The following ANKRD45 variants were observed in gnomAD, a reference collection of about 807,000 sequenced individuals.
The protein encoded by ANKRD45 is ankyrin repeat domain-containing protein 45.
A neutral mutation model predicts 28.1 loss-of-function variants in ANKRD45; 21 were observed. The ratio of observed to expected loss-of-function variants is 0.75; its 90% CI spans 0.53 to 1.08. The LOEUF (loss-of-function observed/expected upper bound fraction) is 1.08. Ranked by LOEUF, ANKRD45 falls within the 50% of genes least tolerant of loss-of-function variation. ANKRD45 has a pLI of 0.00. For missense variants in ANKRD45, 261 were observed against 308.7 expected (o/e 0.85, Z 1.16); for synonymous variants, 86 against 103.9 (o/e 0.83, Z 1.05).
intron 3 of ANKRD45, among the ~76,000 whole-genome samples, chr1:173,643,215 C>A (rs1668779647): frequency 6.7e-6 from 1 of 149,252 alleles, no homozygotes; most frequent in South Asian, 2.1e-4. Flanking sequence ...ACTCTGTCAC[C>A]CAGGCTGGAG....
In ANKRD45 at chr1:173,624,883, C is replaced by T. The variant is rs34387166; in HGVS notation, c.634G>A (p.Glu212Lys). The T allele has an allele frequency of 5.9e-3, 9,549 of 1,613,710 alleles. 43 individuals carry two copies. The highest frequency in any genetic ancestry group is 7.4e-3 in the Non-Finnish European group (8,747 of 1,179,766). ...TTAATGGAAGCTTCTGTATGGGTTT[C>T]CAACCACTCATTTTTTGCACGGCAT... ...SACRAKNEWL[E>K]THTEASINEL... The change falls in exon 5 of 6, where the codon GAA (glutamate) becomes AAA (lysine). Residue 212 changes from glutamate (E) to lysine (K), a missense_variant. Physicochemically the swap from Glu to Lys is moderately conservative, Grantham distance 56. Transcript: ENST00000333279.
intron 1 of ANKRD45, among the ~76,000 whole-genome samples, chr1:173,668,664 G>A (rs1670123854): frequency 6.6e-6 from 1 of 152,192 alleles, no homozygotes. Context: ...ATTCTAGATT[G>A]AGCTAAACTT....
chr1:173,642,910 C>T (rs115839999), intron 3 of ANKRD45, among the ~76,000 whole-genome samples: 1,761 of 152,246 alleles, frequency 0.012, 44 homozygotes, highest in African/African-American at 0.041. Flanking sequence ...CTCTTTTCTT[C>T]GTGTGCGCTC....
chr1:173,670,221 C>T (rs1305735720), upstream of ANKRD45, among the ~76,000 whole-genome samples: 2 of 152,134 alleles, frequency 1.3e-5, no homozygotes, highest in Non-Finnish European at 2.9e-5. Flanking sequence ...GTCATTGTCA[C>T]CAGCAAGGAG....
chr1:173,667,681 G>T, intron 1 of ANKRD45: 1 of 421,370 alleles, frequency 2.4e-6, no homozygotes, highest in Non-Finnish European at 4.7e-6. Context: ...ACTCCAGCCT[G>T]GCACAACAGA....
rs376773539 is a variant in ANKRD45, at chr1:173,645,461, T to G, written c.496+1385A>C. 5.9e-5 allele frequency among the ~76,000 whole-genome samples: 9 copies of G among 152,336 alleles called. No individual in the cohort carries two copies. The South Asian group carries it at 1.0e-3, about 18-fold the overall frequency. Reference sequence around the variant, plus strand: ...CAAGTGCTGACCACATGCCAGGTATTGTGGTAACTGCTTTATATCATCTCA... The same window carrying G: ...CAAGTGCTGACCACATGCCAGGTATGGTGGTAACTGCTTTATATCATCTCA... On this transcript the variant is annotated intron_variant, in intron 3 of 5. Coordinates refer to ENST00000333279, the MANE Select transcript of ANKRD45 (RefSeq NM_198493.3).
At chr1:173,695,511 C>T in the ANKRD45 span, among the ~76,000 whole-genome samples, 1,431 of 152,220 alleles carry the variant, frequency 9.4e-3, 20 homozygotes, top group African/African-American at 0.031. Flanking sequence ...ACCGCATCCA[C>T]GTTGCTGCAA....
At chr1:173,648,093 C>G (rs1274424620) in intron 2 of ANKRD45, among the ~76,000 whole-genome samples, 2 of 152,122 alleles carry the variant, frequency 1.3e-5, no homozygotes, top group South Asian at 4.1e-4. Context: ...GCATGCAGCA[C>G]CACGCCCAGC....
At chr1:173,631,028 G>A (rs546801493) in intron 3 of ANKRD45, among the ~76,000 whole-genome samples, 1 of 151,796 alleles carries the variant, frequency 6.6e-6, no homozygotes, top group Non-Finnish European at 1.5e-5. Flanking sequence ...AAGACATAGA[G>A]TGGTTGAAGA....
At chr1:173,711,705 A>T in the ANKRD45 span, among the ~76,000 whole-genome samples, 1 of 152,240 alleles carries the variant, frequency 6.6e-6, no homozygotes, top group Non-Finnish European at 1.5e-5. Context: ...AGGCTCCCGA[A>T]GGGCATAGTC....
upstream of ANKRD45, among the ~76,000 whole-genome samples, chr1:173,671,064 T>C (rs1670237775): frequency 1.3e-5 from 2 of 152,216 alleles, no homozygotes. Context: ...TCCCCAACGT[T>C]GCCTAAGTTT....
chr1:173,698,821 G>C, the ANKRD45 span, among the ~76,000 whole-genome samples: 2 of 150,768 alleles, frequency 1.3e-5, no homozygotes, highest in Non-Finnish European at 2.9e-5. Flanking sequence ...ACTAAGGTCA[G>C]AGCAGAACTG....
the ANKRD45 span, among the ~76,000 whole-genome samples, chr1:173,707,423 T>C: frequency 0.34 from 52,268 of 151,516 alleles, 9,908 homozygotes; most frequent in African/African-American, 0.51. Context: ...ACATCCACCT[T>C]CCAGGTTCAA....
intron 1 of ANKRD45, among the ~76,000 whole-genome samples, chr1:173,669,212 A>T (rs1253057500): frequency 6.6e-6 from 1 of 152,176 alleles, no homozygotes; most frequent in Non-Finnish European, 1.5e-5. Context: ...TGGCGGTCTC[A>T]GAAAGTTTTC....
chr1:173,653,078 T>A (rs1646564965), intron 2 of ANKRD45, among the ~76,000 whole-genome samples: 1 of 152,204 alleles, frequency 6.6e-6, no homozygotes, highest in African/African-American at 2.4e-5. Flanking sequence ...TTTGAAGGGT[T>A]TTTTGTGTCT....
chr1:173,635,504 T>A, intron 3 of ANKRD45: 1 of 1,479,244 alleles, frequency 6.8e-7, no homozygotes, highest in Non-Finnish European at 8.9e-7. Context: ...CTACTTTTTT[T>A]TCAATTGACA....
chr1:173,677,755 G>A, the ANKRD45 span, among the ~76,000 whole-genome samples: 53 of 151,984 alleles, frequency 3.5e-4, no homozygotes, highest in Non-Finnish European at 6.8e-4. Flanking sequence ...AAAGATACAC[G>A]GATGTAATAA....
At chr1:173,652,471 T>TC (rs1452205700) in intron 2 of ANKRD45, among the ~76,000 whole-genome samples, 2 of 152,198 alleles carry the variant, frequency 1.3e-5, no homozygotes, top group African/African-American at 4.8e-5. Flanking sequence ...TGGATAAGCT[T>TC]TTGATGTGCT....
chr1:173,664,724 T>C (rs1445041135), intron 1 of ANKRD45, among the ~76,000 whole-genome samples: 1 of 152,212 alleles, frequency 6.6e-6, no homozygotes, highest in African/African-American at 2.4e-5. Flanking sequence ...ATCTATCCAA[T>C]TAGGTTGTAA....
Sources: gnomAD v4.1 joint callset for allele counts (sites outside exome capture counted in the v4.1 genomes callset) on GRCh38, gnomAD v4.1.1 for gene constraint, MANE v1.5 for transcripts, NCBI Gene and HGNC (gene_info 2026-07-23, HGNC 2026-07-21) for gene names.